AKT2: variants seen among roughly 807,000 people sequenced by gnomAD.
AKT2 encodes the protein RAC-beta serine/threonine-protein kinase.
A neutral mutation model predicts 58.6 loss-of-function variants in AKT2; 16 were observed. That is an observed-to-expected ratio of 0.27 (90% CI 0.18 to 0.41). AKT2 has a LOEUF of 0.41. Among genes scored for constraint, AKT2 ranks in the 10% least tolerant of loss-of-function variants. The probability of loss-of-function intolerance (pLI) is 1.00; values close to 1 mark genes in which losing one functional copy is unlikely to be tolerated. For synonymous variants in AKT2, 253 were observed against 254.0 expected (o/e 1.00, Z 0.04); for missense variants, 438 against 661.0 (o/e 0.66, Z 3.70).
chr19:40,257,031 G>A lies in AKT2; in HGVS notation c.70C>T (p.Pro24Ser), dbSNP rs1185991201. ...TCGCTCTTCAGCAGGAAGTACCGTG[G>A]CCTCCAGGTCTTGATGTATTCACCT... ...KRGEYIKTWR[P>S]RYFLLKSDGS... is the part of the protein sequence containing the mutation. Residue 24 changes from proline (P) to serine (S), a missense_variant, in exon 3 of 14, where the codon CCA (proline) becomes TCA (serine). Transcript: ENST00000392038. 1.2e-6 allele frequency: 2 copies of A among 1,614,086 alleles called. No individual in the cohort carries two copies. The highest frequency in any genetic ancestry group is 2.7e-5 in the African/African-American group (2 of 74,942).
intron 2 of AKT2, among the ~76,000 whole-genome samples, chr19:40,263,541 C>A (rs1277001349): frequency 6.6e-6 from 1 of 152,178 alleles, no homozygotes; most frequent in Non-Finnish European, 1.5e-5. Flanking sequence ...AGGGTTAGAA[C>A]CTTGATAGCT....
At chr19:40,262,689 TC>T (rs1220492969) in intron 2 of AKT2, among the ~76,000 whole-genome samples, 3 of 152,192 alleles carry the variant, frequency 2.0e-5, no homozygotes, top group African/African-American at 7.2e-5. Context: ...TGCTGAAACC[TC>T]AAGCAAGTCA....
chr19:40,242,164 T>G lies in AKT2; in HGVS notation c.442-95A>C. 6.4e-7 allele frequency: 1 copy of G among 1,560,926 alleles called. No individual in the cohort carries two copies. On this transcript the variant is annotated intron_variant, in intron 5 of 13. Transcript: ENST00000392038. This position sits in a 1 kb window ranked among gnomAD's most constrained non-coding sequence, Gnocchi z 4.3. Reference sequence around the variant, plus strand: ...AAGAAAGAGGAAAACCAAAAGACACTGTTGCCAAACGGCTTAGGCTGGAGC... The same window carrying G: ...AAGAAAGAGGAAAACCAAAAGACACGGTTGCCAAACGGCTTAGGCTGGAGC...
intron 6 of AKT2, chr19:40,241,586 C>A (rs995343335): frequency 1.2e-5 from 4 of 330,718 alleles, no homozygotes; most frequent in Non-Finnish European, 2.3e-5. Flanking sequence ...GAATTCCACT[C>A]CTGGCCCGGC....
At chr19:40,239,851 C>A in intron 7 of AKT2, 194 bp downstream of exon 7, 1 of 718,002 alleles carries the variant, frequency 1.4e-6, no homozygotes. Flanking sequence ...GAAGCTGTCA[C>A]CCTCCCACTC....
intron 4 of AKT2, among the ~76,000 whole-genome samples, chr19:40,248,833 C>G (rs367789641): frequency 2.1e-5 from 3 of 143,470 alleles, no homozygotes; most frequent in Admixed American, 1.4e-4. Flanking sequence ...GAGATGAGGA[C>G]AGAGAGGAGT....
chr19:40,244,155 T>A (rs772158626), intron 4 of AKT2: 1 of 151,238 alleles, frequency 6.6e-6, no homozygotes, highest in Non-Finnish European at 1.5e-5. Flanking sequence ...GAAAGAACTG[T>A]CTTTGAGCTG....
chr19:40,272,300 G>A (rs550362058), intron 1 of AKT2, among the ~76,000 whole-genome samples: 11 of 152,304 alleles, frequency 7.2e-5, no homozygotes, highest in South Asian at 4.1e-4. Context: ...CCAAGCCTCC[G>A]TTTCCTCCTG....
chr19:40,285,109 C>G (rs1457809697), intron 1 of AKT2, 72 bp downstream of exon 1: 1 of 389,906 alleles, frequency 2.6e-6, no homozygotes, highest in African/African-American at 2.1e-5. Flanking sequence ...TACAGCCCAT[C>G]GCGGCACCGC....
At chr19:40,274,368 G>C (rs2077271301) in intron 1 of AKT2, 1 of 153,298 alleles carries the variant, frequency 6.5e-6, no homozygotes, top group South Asian at 2.0e-4. Context: ...AAAAAATCCT[G>C]CATTCATTCA....
intron 1 of AKT2, among the ~76,000 whole-genome samples, chr19:40,275,873 C>T (rs1008269701): frequency 1.3e-4 from 20 of 149,020 alleles, no homozygotes; most frequent in Admixed American, 1.2e-3. Context: ...ATTAGCCAGG[C>T]GTGGTGGTAG....
intron 1 of AKT2, among the ~76,000 whole-genome samples, chr19:40,275,774 G>GT (rs1417542425): frequency 1.3e-4 from 12 of 95,106 alleles, no homozygotes; most frequent in African/African-American, 4.5e-4. Context: ...TGGGGGGGGG[G>GT]GGGGTGGGCG....
In AKT2 at chr19:40,237,929, G is replaced by A. The variant is rs777078448; in HGVS notation, c.831+40C>T. The A allele has an allele frequency of 6.2e-7, 1 of 1,609,662 alleles. No homozygotes were observed. Among genetic ancestry groups the A allele is most frequent in the South Asian group, 1.1e-5 (1 of 90,690 alleles). ...CCCCAGTGTGAGTCCCATGTGGTGT[G>A]CATGCCACAGGTCAGCCTGGCGCAC... On this transcript the variant is annotated intron_variant, in intron 9 of 13. Transcript: ENST00000392038. This position sits in a 1 kb window ranked among gnomAD's most constrained non-coding sequence, Gnocchi z 4.5.
Position 40,235,366 on chromosome 19 carries a change from C to A in AKT2, c.1176-16G>T. On this transcript the variant is annotated splice_polypyrimidine_tract_variant and intron_variant, in intron 11 of 13. Transcript: ENST00000392038. The surrounding 1 kb of genome is among the most constrained non-coding windows in gnomAD (Gnocchi z 6.3). ...CCCACCAAGCCTGTGCAGAGACGGC[C>A]GTCAGCACCTGCCTCCCGGAGCAGC... 4 of 1,613,286 alleles carry A rather than the reference C, an allele frequency of 2.5e-6. No individual in the cohort carries two copies. The highest frequency in any genetic ancestry group is 3.4e-6 in the Non-Finnish European group (4 of 1,179,828).
At chr19:40,263,661 G>A (rs765196968) in intron 2 of AKT2, among the ~76,000 whole-genome samples, 45 of 152,298 alleles carry the variant, frequency 3.0e-4, no homozygotes, top group Middle Eastern at 3.4e-3. Flanking sequence ...AGCAGGACAC[G>A]AATCTCCTCT....
chr19:40,263,601 T>A (rs1026799844), intron 2 of AKT2, among the ~76,000 whole-genome samples: 1 of 152,150 alleles, frequency 6.6e-6, no homozygotes, highest in Non-Finnish European at 1.5e-5. Context: ...AGGCTCAGGC[T>A]GGGGGACTGG....
intron 1 of AKT2, among the ~76,000 whole-genome samples, chr19:40,276,429 G>A (rs1238749329): frequency 2.5e-5 from 3 of 119,086 alleles, no homozygotes; most frequent in African/African-American, 6.5e-5. Context: ...GCAGTAGTGC[G>A]ATCTTGGCTC....
Position 40,233,763 on chromosome 19 carries a change from G to A in AKT2, c.*109C>T, listed in dbSNP as rs1973840508. The A allele has an allele frequency of 9.5e-7, 1 of 1,057,590 alleles. No homozygotes were observed. Among genetic ancestry groups the A allele is most frequent in the Non-Finnish European group, 1.4e-6 (1 of 697,448 alleles). 65.5% of individuals were successfully genotyped at this position (1,057,590 alleles called of 1,614,324 possible). On this transcript the variant is annotated 3_prime_UTR_variant, in exon 14 of 14. Transcript: ENST00000392038. The surrounding 1 kb of genome is among the most constrained non-coding windows in gnomAD (Gnocchi z 4.3). ...TGAAGAAGAACTGGAAAGGGGGTGAGGAGGTGGGGGTGGGGACACAAACCA... is the reference window on the plus strand; with the variant it reads ...TGAAGAAGAACTGGAAAGGGGGTGAAGAGGTGGGGGTGGGGACACAAACCA...
chr19:40,234,895 C>T lies in AKT2; in HGVS notation c.1366+150G>A. ...CCTCACCAGGTCCAAAGAGGACCAA[C>T]AGCAAAAGGGCCTGAGAGCAGACTT... On this transcript the variant is annotated intron_variant, in intron 13 of 13. Transcript: ENST00000392038. The surrounding 1 kb of genome is among the most constrained non-coding windows in gnomAD (Gnocchi z 4.7). The T allele has an allele frequency of 1.3e-6, 1 of 788,720 alleles. No individual in the cohort carries two copies. Among genetic ancestry groups the T allele is most frequent in the South Asian group, 1.4e-5 (1 of 69,220 alleles). The allele number at this position is 788,720 out of a possible 1,614,324, so 48.9% of individuals were successfully genotyped here.
Sources: gnomAD v4.1 joint callset for allele counts (sites outside exome capture counted in the v4.1 genomes callset) on GRCh38, gnomAD v4.1.1 for gene constraint, Gnocchi (gnomAD v3.1) non-coding constraint, MANE v1.5 for transcripts, NCBI Gene and HGNC (gene_info 2026-07-23, HGNC 2026-07-21) for gene names.